Variants in FABP6 observed in about 807,000 individuals in gnomAD.
FABP6 encodes the protein fatty acid binding protein 6, also known as gastrotropin.
A neutral mutation model predicts 14.9 loss-of-function variants in FABP6; 13 were observed. The ratio of observed to expected loss-of-function variants is 0.87; its 90% CI spans 0.57 to 1.39. FABP6 has a LOEUF of 1.39. FABP6 is among the 40% of genes most tolerant of loss of function. The pLI is 0.00. For synonymous variants in FABP6, 75 were observed against 63.6 expected (o/e 1.18, Z -0.85); for missense variants, 161 against 167.2 (o/e 0.96, Z 0.20).
intron 3 of FABP6, among the ~76,000 whole-genome samples, chr5:160,218,628 T>G (rs1760067408): frequency 6.6e-6 from 1 of 151,842 alleles, no homozygotes; most frequent in South Asian, 2.1e-4. Context: ...GCCTGGCTAA[T>G]TTTTGTATTT....
At chr5:160,236,386 AG>A (rs1331083091) in intron 3 of FABP6, among the ~76,000 whole-genome samples, 1 of 152,074 alleles carries the variant, frequency 6.6e-6, no homozygotes, top group African/African-American at 2.4e-5. Context: ...TACCCCCTAA[AG>A]GTCCTATCTC....
chr5:160,230,447 G>A (rs1018259511), intron 1 of FABP6, among the ~76,000 whole-genome samples: 2 of 151,996 alleles, frequency 1.3e-5, no homozygotes, highest in East Asian at 1.9e-4. Context: ...TGCAACCTCC[G>A]TCTCCTGGGT....
At chr5:160,229,862 T>C in intron 1 of FABP6, among the ~76,000 whole-genome samples, 1 of 114,920 alleles carries the variant, frequency 8.7e-6, no homozygotes, top group South Asian at 2.7e-4. Flanking sequence ...TTTTATTTTA[T>C]TTTATTTTAT....
At chr5:160,229,147 A>G (rs779043351), upstream of FABP6, among the ~76,000 whole-genome samples, 5 of 152,192 alleles carry the variant, frequency 3.3e-5, no homozygotes, top group Non-Finnish European at 7.3e-5. Context: ...GTGTTTCTTC[A>G]GTGCTGGCCC....
At chr5:160,213,224 T>A (rs1229868287) in intron 2 of FABP6, among the ~76,000 whole-genome samples, 2 of 152,198 alleles carry the variant, frequency 1.3e-5, no homozygotes, top group Non-Finnish European at 2.9e-5. Context: ...CACCTTCTAG[T>A]ACAAAGCTGA....
intron 1 of FABP6, chr5:160,197,694 T>G (rs887269079): frequency 1.3e-5 from 2 of 152,270 alleles, no homozygotes; most frequent in African/African-American, 4.8e-5. Flanking sequence ...CAACCAACAA[T>G]GTTTCCAGAT....
At chr5:160,221,183 G>A (rs1419318810) in intron 3 of FABP6, among the ~76,000 whole-genome samples, 1 of 151,074 alleles carries the variant, frequency 6.6e-6, no homozygotes, top group African/African-American at 2.4e-5. Context: ...GATGTTTGTT[G>A]AATGAATCAA....
At chr5:160,203,491 A>G (rs1418445236) in intron 2 of FABP6, among the ~76,000 whole-genome samples, 1 of 152,194 alleles carries the variant, frequency 6.6e-6, no homozygotes, top group African/African-American at 2.4e-5. Flanking sequence ...TTCAGTCCAA[A>G]ACAATGGCAT....
intron 1 of FABP6, among the ~76,000 whole-genome samples, chr5:160,193,021 G>A (rs1013734700): frequency 6.6e-6 from 1 of 152,236 alleles, no homozygotes; most frequent in Non-Finnish European, 1.5e-5. Context: ...TGAGGCAGGA[G>A]GATTGCTTAA....
At chr5:160,193,744 G>T (rs1161824613) in intron 1 of FABP6, among the ~76,000 whole-genome samples, 1 of 152,138 alleles carries the variant, frequency 6.6e-6, no homozygotes, top group East Asian at 1.9e-4. Context: ...GAGCTAGATA[G>T]AGAGTGCCGA....
chr5:160,189,766 A>C (rs945997896), intron 1 of FABP6, among the ~76,000 whole-genome samples: 2 of 152,162 alleles, frequency 1.3e-5, no homozygotes, highest in South Asian at 4.1e-4. Context: ...CTCAGAGCAT[A>C]GTTGTGGGAA....
chr5:160,213,193 G>T (rs548988481), intron 2 of FABP6, among the ~76,000 whole-genome samples: 1 of 152,192 alleles, frequency 6.6e-6, no homozygotes, highest in African/African-American at 2.4e-5. Context: ...CCACTACATG[G>T]GGCCCAACGA....
At chr5:160,193,400 C>T (rs1327453231) in intron 1 of FABP6, among the ~76,000 whole-genome samples, 2 of 152,038 alleles carry the variant, frequency 1.3e-5, no homozygotes, top group Admixed American at 6.6e-5. Context: ...TTGCAAAGAG[C>T]AAAAGAACAA....
intron 2 of FABP6, among the ~76,000 whole-genome samples, chr5:160,205,317 CAAA>C (rs1163175404): frequency 9.8e-4 from 66 of 67,076 alleles, no homozygotes; most frequent in African/African-American, 3.9e-3. Flanking sequence ...GACTTCATCT[CAAA>C]AAAAAAAAAA....
At position 160,223,524 on chromosome 5, in the gene FABP6, C is replaced by A. The variant is rs146259215; in HGVS notation, c.136-6022C>A. ...GCAGCCTCTGCCTCCTGGGCTCAAG[C>A]GATCCTTCCGTCTCAGCCTCTCAAG... is the stretch of plus-strand genomic sequence containing the variant. On this transcript the variant is annotated intron_variant, in intron 3 of 6. Transcript: ENST00000393980. Among the ~76,000 whole-genome samples the A allele has an allele frequency of 5.7e-3, 864 of 151,800 alleles. 9 individuals are homozygous for A. Among genetic ancestry groups the A allele is most frequent in the African/African-American group, 0.02 (823 of 41,364 alleles).
intron 1 of FABP6, among the ~76,000 whole-genome samples, chr5:160,188,999 C>A (rs1045847898): frequency 6.6e-6 from 1 of 152,116 alleles, no homozygotes; most frequent in African/African-American, 2.4e-5. Context: ...TATTTTCCCT[C>A]CTTCTTTCCT....
chr5:160,219,693 A>G (rs1371826224), intron 3 of FABP6, among the ~76,000 whole-genome samples: 4 of 152,122 alleles, frequency 2.6e-5, no homozygotes, highest in Non-Finnish European at 4.4e-5. Context: ...TAAGGAAAAA[A>G]ACAGCTCTGA....
chr5:160,210,891 G>T (rs547008196), intron 2 of FABP6, among the ~76,000 whole-genome samples: 1 of 152,304 alleles, frequency 6.6e-6, no homozygotes, highest in South Asian at 2.1e-4. Context: ...TTCTGCGGCT[G>T]CCACAGGAAT....
intron 1 of FABP6, chr5:160,198,819 C>T (rs749426286): frequency 6.3e-5 from 27 of 430,044 alleles, no homozygotes; most frequent in Admixed American, 3.1e-4. Context: ...CATCTGAAAA[C>T]GACCTCTTCA....
Sources: allele counts gnomAD v4.1 joint callset (sites outside exome capture counted in the v4.1 genomes callset), GRCh38; gene constraint gnomAD v4.1.1; transcripts MANE v1.5; gene names NCBI Gene and HGNC (gene_info 2026-07-23, HGNC 2026-07-21).